Variants in ASTN2 observed in about 807,000 individuals in gnomAD.
ASTN2 encodes astrotactin-2.
A neutral mutation model predicts 139.8 loss-of-function variants in ASTN2; 54 were observed. The ratio of observed to expected loss-of-function variants is 0.39; its 90% CI spans 0.31 to 0.48. The LOEUF (loss-of-function observed/expected upper bound fraction) is 0.48. ASTN2 is among the 20% of genes least tolerant of loss of function. The pLI is 0.95. For missense variants in ASTN2, 1,565 were observed against 1,725.1 expected, an observed-to-expected ratio of 0.91 and a Z score of 1.64; for synonymous variants, 756 against 719.5, an observed-to-expected ratio of 1.05 and a Z score of -0.81.
At chr9:117,009,161 T>G (rs1444112486) in intron 6 of ASTN2, among the ~76,000 whole-genome samples, 1 of 152,216 alleles carries the variant, frequency 6.6e-6, no homozygotes, top group Non-Finnish European at 1.5e-5. Flanking sequence ...CTTCAGATTT[T>G]CTTCAGGAGA....
At chr9:117,148,498 C>T (rs1830252870) in intron 3 of ASTN2, among the ~76,000 whole-genome samples, 1 of 152,124 alleles carries the variant, frequency 6.6e-6, no homozygotes, top group Admixed American at 6.5e-5. Context: ...ATTATACATT[C>T]CCCCTTTCAT....
At position 116,868,143 on chromosome 9, in the gene ASTN2, A is replaced by G. The variant is rs565987538; in HGVS notation, c.1890-4410T>C. Among the ~76,000 whole-genome samples the G allele has an allele frequency of 6.6e-5, 10 of 152,260 alleles. No homozygotes were observed. The South Asian group carries it at 1.9e-3, about 28-fold the overall frequency. The stretch of plus-strand genomic sequence containing the variant: ...TTTGCCAGCAATCACCAAAACTACC[A>G]ACATCCTCTTCATTATTTAGGATTT... On this transcript the variant is annotated intron_variant, in intron 10 of 22. Coordinates refer to ENST00000313400, the MANE Select transcript of ASTN2 (RefSeq NM_001365068.1).
intron 2 of ASTN2, among the ~76,000 whole-genome samples, chr9:117,247,369 GC>G (rs1298565354): frequency 3.3e-5 from 5 of 152,124 alleles, no homozygotes; most frequent in Admixed American, 6.5e-5. Flanking sequence ...GTCTAAAGCA[GC>G]CCCATCATTG....
At chr9:116,439,478 G>A (rs1847776104) in intron 22 of ASTN2, among the ~76,000 whole-genome samples, 3 of 139,930 alleles carry the variant, frequency 2.1e-5, no homozygotes, top group South Asian at 6.5e-4. Context: ...GGGATTACAG[G>A]CGTGAGCCAC....
At chr9:117,364,998 C>CAA (rs57296532) in intron 1 of ASTN2, among the ~76,000 whole-genome samples, 1 of 123,582 alleles carries the variant, frequency 8.1e-6, no homozygotes, top group African/African-American at 3.3e-5. Flanking sequence ...CACACACACA[C>CAA]AAAATCAGCC....
intron 11 of ASTN2, among the ~76,000 whole-genome samples, chr9:116,851,668 T>C (rs572615979): frequency 6.6e-6 from 1 of 151,940 alleles, no homozygotes; most frequent in Non-Finnish European, 1.5e-5. Flanking sequence ...AATAATTTCA[T>C]AATTAAAAAA....
intron 12 of ASTN2, among the ~76,000 whole-genome samples, chr9:116,810,141 G>T (rs909372099): frequency 8.5e-5 from 13 of 152,162 alleles, no homozygotes; most frequent in African/African-American, 3.1e-4. Flanking sequence ...CAGGAAGAAA[G>T]CTTATCTTAT....
intron 19 of ASTN2, among the ~76,000 whole-genome samples, chr9:116,527,009 T>C (rs1232362493): frequency 3.9e-5 from 6 of 152,154 alleles, no homozygotes; most frequent in South Asian, 2.1e-4. Flanking sequence ...AAGAATAAAA[T>C]TGGACTCTCA....
intron 5 of ASTN2, among the ~76,000 whole-genome samples, chr9:117,083,586 C>T (rs1184454643): frequency 1.3e-5 from 2 of 152,100 alleles, no homozygotes; most frequent in Non-Finnish European, 2.9e-5. Context: ...GGCCGTCTCA[C>T]AGCGTTGGGA....
At chr9:116,869,425 C>G (rs1462956052) in intron 10 of ASTN2, among the ~76,000 whole-genome samples, 3 of 152,118 alleles carry the variant, frequency 2.0e-5, no homozygotes, top group Non-Finnish European at 4.4e-5. Flanking sequence ...CACCTCAGTC[C>G]TTGATTCTTA....
intron 13 of ASTN2, among the ~76,000 whole-genome samples, chr9:116,761,653 A>G (rs1166630181): frequency 6.6e-6 from 1 of 152,154 alleles, no homozygotes; most frequent in African/African-American, 2.4e-5. Context: ...GGGTGATAGC[A>G]GGTAAGACAA....
chr9:116,430,057 G>C (rs1001108802), intron 22 of ASTN2, among the ~76,000 whole-genome samples: 2 of 152,186 alleles, frequency 1.3e-5, no homozygotes, highest in African/African-American at 2.4e-5. Context: ...AGACCAGGCA[G>C]ACTCTTCCAA....
intron 6 of ASTN2, among the ~76,000 whole-genome samples, chr9:117,020,857 C>T (rs1233935660): frequency 1.3e-5 from 2 of 152,062 alleles, no homozygotes; most frequent in African/African-American, 4.8e-5. Context: ...TGCTTTAAGG[C>T]AACTATTTGC....
chr9:116,713,586 G>C (rs1323110725), intron 16 of ASTN2, among the ~76,000 whole-genome samples: 1 of 152,162 alleles, frequency 6.6e-6, no homozygotes. Flanking sequence ...TTGTTGCAGG[G>C]AGAAGAGAAA....
intron 1 of ASTN2, among the ~76,000 whole-genome samples, chr9:117,296,277 C>CAAAAAAAAAAAAAA (rs5900277): frequency 1.7e-4 from 12 of 71,000 alleles, no homozygotes; most frequent in African/African-American, 2.4e-4. Flanking sequence ...GACTGCATCT[C>CAAAAAAAAAAAAAA]AAAAAAAAAA....
At chr9:117,003,953 C>CGCGCGTGTGTGTGTGT (rs1218309835) in intron 7 of ASTN2, among the ~76,000 whole-genome samples, 61 of 146,276 alleles carry the variant, frequency 4.2e-4, no homozygotes, top group African/African-American at 1.5e-3. Context: ...CGCGCGCGCG[C>CGCGCGTGTGTGTGTGT]GTGTGTGTGT....
At chr9:116,617,527 C>T (rs774185320) in intron 19 of ASTN2, among the ~76,000 whole-genome samples, 7 of 152,080 alleles carry the variant, frequency 4.6e-5, no homozygotes, top group Non-Finnish European at 8.8e-5. Flanking sequence ...AAATTTGAGG[C>T]GATACCACAA....
intron 10 of ASTN2, among the ~76,000 whole-genome samples, chr9:116,918,878 G>A (rs1416389622): frequency 6.6e-6 from 1 of 152,106 alleles, no homozygotes; most frequent in African/African-American, 2.4e-5. Context: ...ATTTATATGT[G>A]CCTGGGGTTT....
chr9:116,878,921 G>A (rs1054073466), intron 10 of ASTN2, among the ~76,000 whole-genome samples: 4 of 151,616 alleles, frequency 2.6e-5, no homozygotes, highest in African/African-American at 9.7e-5. Flanking sequence ...GGAAGTCCTG[G>A]GGTCTCAGGT....
Sources: gnomAD v4.1 joint callset for allele counts (sites outside exome capture counted in the v4.1 genomes callset) on GRCh38, gnomAD v4.1.1 for gene constraint, MANE v1.5 for transcripts, NCBI Gene and HGNC (gene_info 2026-07-23, HGNC 2026-07-21) for gene names.